ZNF169: variants seen among roughly 807,000 people sequenced by gnomAD.
ZNF169 encodes zinc finger protein 169.
In ZNF169, 11 loss-of-function variants were observed where a neutral mutation model predicts 12.0. The ratio of observed to expected loss-of-function variants is 0.92; its 90% CI spans 0.58 to 1.52. The LOEUF is 1.52. Among genes scored for constraint, ZNF169 ranks in the 40% most tolerant of loss-of-function variants. ZNF169 has a pLI of 0.00. For missense variants in ZNF169, 722 were observed against 744.0 expected (o/e 0.97, Z 0.34); for synonymous variants, 302 against 286.5 (o/e 1.05, Z -0.55).
intron 2 of ZNF169, chr9:94,287,963 C>G (rs1830749771): frequency 1.2e-6 from 1 of 820,754 alleles, no homozygotes; most frequent in African/African-American, 1.7e-5. Context: ...TGTTCACCTT[C>G]TAGTAAATGG....
At chr9:94,281,649 G>C (rs550804544) in intron 2 of ZNF169, among the ~76,000 whole-genome samples, 149 of 152,270 alleles carry the variant, frequency 9.8e-4, no homozygotes, top group African/African-American at 3.3e-3. Flanking sequence ...TCAGTGTACA[G>C]CTTAGTTTTA....
At position 94,301,565 on chromosome 9, in the gene ZNF169, G is replaced by A. The variant is rs1373684546; in HGVS notation, c.*195G>A. On this transcript the variant is annotated 3_prime_UTR_variant, in exon 5 of 5. Transcript: ENST00000395395. The stretch of plus-strand genomic sequence containing the variant: ...CATAACAAAGTACCCCAGGCTGGGT[G>A]ATTTTGACAACGGAAATATATTTTC... The A allele has an allele frequency of 4.0e-6, 4 of 989,450 alleles. No individual in the cohort carries two copies. The highest frequency in any genetic ancestry group is 5.6e-6 in the Non-Finnish European group (4 of 715,990). The allele number at this position is 989,450 out of a possible 1,614,324, so 61.3% of individuals were successfully genotyped here.
chr9:94,298,556 G>T (rs1383135816), intron 4 of ZNF169, among the ~76,000 whole-genome samples: 2 of 151,824 alleles, frequency 1.3e-5, no homozygotes, highest in Non-Finnish European at 2.9e-5. Flanking sequence ...GGCCAACATG[G>T]TGAAACCCGA....
chr9:94,268,814 A>G (rs148809303), intron 1 of ZNF169, among the ~76,000 whole-genome samples: 38 of 151,706 alleles, frequency 2.5e-4, no homozygotes, highest in African/African-American at 7.8e-4. Context: ...TTCCAAAGAC[A>G]TTTCTAAGTG....
At chr9:94,294,635 A>G (rs1830916096) in intron 4 of ZNF169, 1 of 152,166 alleles carries the variant, frequency 6.6e-6, no homozygotes, top group Non-Finnish European at 1.5e-5. Flanking sequence ...TGTTTTATCC[A>G]TCTATTCAGC....
intron 1 of ZNF169, among the ~76,000 whole-genome samples, chr9:94,260,328 C>T (rs935160176): frequency 6.6e-6 from 1 of 152,238 alleles, no homozygotes; most frequent in East Asian, 1.9e-4. Flanking sequence ...ACTGGGATTA[C>T]AGGCGTGAGC....
intron 2 of ZNF169, among the ~76,000 whole-genome samples, chr9:94,287,428 C>T (rs186082834): frequency 4.4e-4 from 67 of 152,302 alleles, no homozygotes; most frequent in Admixed American, 4.1e-3. Flanking sequence ...TGCAGTGGCG[C>T]AATCTCTGCT....
In ZNF169 at chr9:94,300,943, A is replaced by C; in HGVS notation, c.1385A>C (p.Asp462Ala). ...HTGEKPYLCP[D>A]CGRGFGQKVT... Reference sequence around the variant, plus strand: ...GGGGAGAAGCCCTACCTGTGCCCTGATTGTGGGCGTGGCTTTGGTCAGAAG... The same window carrying C: ...GGGGAGAAGCCCTACCTGTGCCCTGCTTGTGGGCGTGGCTTTGGTCAGAAG... Residue 462 changes from aspartate (D) to alanine (A), a missense_variant, in exon 5 of 5, where the codon GAT (aspartate) becomes GCT (alanine). Asp to Ala is a moderately radical substitution (Grantham distance 126). Transcript: ENST00000395395. 1 of 1,613,720 alleles carries C rather than the reference A, an allele frequency of 6.2e-7. No homozygotes were observed. Among genetic ancestry groups the C allele is most frequent in the Non-Finnish European group, 8.5e-7 (1 of 1,179,904 alleles).
intron 4 of ZNF169, chr9:94,295,444 GGTTA>G (rs1830930444): frequency 1.3e-5 from 2 of 152,132 alleles, no homozygotes; most frequent in Admixed American, 6.6e-5. Flanking sequence ...TGTGAAATTT[GGTTA>G]GTTTTGGCAT....
chr9:94,293,201 C>T (rs1830884841), intron 4 of ZNF169, 132 bp downstream of exon 4: 1 of 794,424 alleles, frequency 1.3e-6, no homozygotes, highest in East Asian at 2.7e-5. Context: ...GTAAAGGCTG[C>T]ATGGCACTGC....
At chr9:94,285,838 G>A (rs1357095802) in intron 2 of ZNF169, among the ~76,000 whole-genome samples, 3 of 151,924 alleles carry the variant, frequency 2.0e-5, no homozygotes, top group African/African-American at 4.8e-5. Flanking sequence ...GGAGAACGTC[G>A]TCTCTACTAA....
At chr9:94,290,062 ATATTTTTTC>A (rs1830800269) in intron 2 of ZNF169, among the ~76,000 whole-genome samples, 2 of 152,208 alleles carry the variant, frequency 1.3e-5, no homozygotes, top group Admixed American at 6.5e-5. Flanking sequence ...TTAGTTAAAA[ATATTTTTTC>A]TAATTTAAGT....
At position 94,259,613 on chromosome 9, in the gene ZNF169, G is replaced by C. The variant is rs1302080558; in HGVS notation, c.-56+268G>C. Among the ~76,000 whole-genome samples the C allele has an allele frequency of 2.0e-5, 3 of 152,158 alleles. No homozygotes were observed. In the East Asian group the frequency reaches 5.8e-4, roughly 29 times the overall value. On this transcript the variant is annotated intron_variant, in intron 1 of 4. Transcript: ENST00000395395. Reference sequence around the variant, plus strand: ...ACTTTGGGCCCAGTATGTTGACCTGGAGGGGCCAGTGCAGGCCTGGGACCG... The same window carrying C: ...ACTTTGGGCCCAGTATGTTGACCTGCAGGGGCCAGTGCAGGCCTGGGACCG...
intron 3 of ZNF169, 193 bp downstream of exon 3, chr9:94,292,660 G>A: frequency 1.4e-6 from 1 of 720,410 alleles, no homozygotes; most frequent in African/African-American, 1.8e-5. Context: ...CATGCTGTGA[G>A]CGTGTGGTGT....
At chr9:94,298,660 C>T (rs1830996695) in intron 4 of ZNF169, among the ~76,000 whole-genome samples, 1 of 150,100 alleles carries the variant, frequency 6.7e-6, no homozygotes, top group Non-Finnish European at 1.5e-5. Flanking sequence ...TTGCTTGAAC[C>T]AGAGGTTGCA....
At chr9:94,283,860 G>C (rs551404959) in intron 2 of ZNF169, among the ~76,000 whole-genome samples, 4 of 152,054 alleles carry the variant, frequency 2.6e-5, no homozygotes, top group African/African-American at 9.6e-5. Flanking sequence ...CCTGAGGTCA[G>C]GAGTTTGAGA....
intron 1 of ZNF169, among the ~76,000 whole-genome samples, chr9:94,260,210 G>T (rs1016540573): frequency 1.3e-5 from 2 of 152,136 alleles, no homozygotes; most frequent in East Asian, 3.9e-4. Context: ...ACGCCACCAC[G>T]CCCGGCTAAT....
intron 1 of ZNF169, among the ~76,000 whole-genome samples, chr9:94,261,952 G>T (rs117631819): frequency 1.3e-5 from 2 of 152,262 alleles, no homozygotes; most frequent in East Asian, 3.9e-4. Flanking sequence ...AAAATTAACA[G>T]AATTTATTTA....
chr9:94,267,117 A>T (rs1830308699), intron 1 of ZNF169, among the ~76,000 whole-genome samples: 1 of 152,084 alleles, frequency 6.6e-6, no homozygotes, highest in East Asian at 1.9e-4. Context: ...ACTTTGTTTC[A>T]TAGAAGGAAT....
Sources: allele counts gnomAD v4.1 joint callset (sites outside exome capture counted in the v4.1 genomes callset), GRCh38; gene constraint gnomAD v4.1.1; transcripts MANE v1.5; gene names NCBI Gene and HGNC (gene_info 2026-07-23, HGNC 2026-07-21).